KCNH5: variants seen among roughly 807,000 people sequenced by gnomAD.
KCNH5 encodes the protein potassium voltage-gated channel subfamily H member 5, also known as voltage-gated delayed rectifier potassium channel KCNH5.
In KCNH5, 46 loss-of-function variants were observed where a neutral mutation model predicts 96.1. That is an observed-to-expected ratio of 0.48 (90% confidence interval 0.38 to 0.61). KCNH5 has a LOEUF of 0.61. Ranked by LOEUF, KCNH5 falls within the 20% of genes least tolerant of loss-of-function variation. The pLI, the probability that KCNH5 is intolerant of heterozygous loss-of-function variation, is 0.00. For missense variants in KCNH5, 907 were observed against 1,225.8 expected (o/e 0.74, Z 3.88); for synonymous variants, 439 against 449.8 (o/e 0.98, Z 0.30).
intron 6 of KCNH5, among the ~76,000 whole-genome samples, chr14:62,979,003 G>T (rs1012495192): frequency 5.9e-5 from 9 of 152,084 alleles, no homozygotes; most frequent in African/African-American, 2.2e-4. Flanking sequence ...TAGATTTCTT[G>T]AATTTAGTTC....
At chr14:62,976,402 C>CAA (rs58791042) in intron 6 of KCNH5, among the ~76,000 whole-genome samples, 180 of 85,240 alleles carry the variant, frequency 2.1e-3, no homozygotes, top group African/African-American at 3.6e-3. Context: ...GACTCCATGT[C>CAA]AAAAAAAAAA....
At chr14:62,830,955 AAAGCATTGC>A (rs1229114389) in intron 8 of KCNH5, among the ~76,000 whole-genome samples, 1 of 152,122 alleles carries the variant, frequency 6.6e-6, no homozygotes, top group African/African-American at 2.4e-5. Flanking sequence ...GCTTCCAAGG[AAAGCATTGC>A]TTTTCCAAGG....
chr14:62,707,432 TATATATGTATATACTGTATATACAC>T lies in KCNH5; in HGVS notation c.*51_*75del. 1.4e-6 allele frequency: 1 copy of T among 694,756 alleles called. No homozygotes were observed. The highest frequency in any genetic ancestry group is 2.1e-6 in the Non-Finnish European group (1 of 486,854). 43.0% of individuals were successfully genotyped at this position (694,756 alleles called of 1,614,324 possible). On this transcript the variant is annotated 3_prime_UTR_variant, in exon 11 of 11. Coordinates refer to ENST00000322893, the MANE Select transcript of KCNH5 (RefSeq NM_139318.5). Reference sequence around the variant, plus strand: ...ATCATCTTGAAAGCAAGTGAAAATATATATATGTATATACTGTATATACACACATATGTATATACTGTTTTAATAT... The same window carrying T: ...ATCATCTTGAAAGCAAGTGAAAATATACATATGTATATACTGTTTTAATAT...
At chr14:62,858,356 T>C (rs534035640) in intron 7 of KCNH5, among the ~76,000 whole-genome samples, 2 of 152,308 alleles carry the variant, frequency 1.3e-5, no homozygotes, top group East Asian at 1.9e-4. Context: ...GTTGTTGTAG[T>C]TTCCCATTGA....
At chr14:62,996,063 G>T (rs1890900979) in intron 4 of KCNH5, among the ~76,000 whole-genome samples, 1 of 152,136 alleles carries the variant, frequency 6.6e-6, no homozygotes, top group Admixed American at 6.6e-5. Flanking sequence ...TGATATTATG[G>T]TGTTATCATG....
intron 7 of KCNH5, among the ~76,000 whole-genome samples, chr14:62,935,509 G>A (rs1225850366): frequency 6.6e-6 from 1 of 152,158 alleles, no homozygotes; most frequent in Non-Finnish European, 1.5e-5. Context: ...GGCAGTAAAC[G>A]AGGGAAAAGG....
At chr14:62,952,531 G>C (rs1453645113) in intron 6 of KCNH5, among the ~76,000 whole-genome samples, 1 of 152,138 alleles carries the variant, frequency 6.6e-6, no homozygotes, top group Non-Finnish European at 1.5e-5. Flanking sequence ...AACTCAAACA[G>C]AGTTCAGTTT....
At chr14:62,807,985 G>T (rs547599773) in intron 8 of KCNH5, among the ~76,000 whole-genome samples, 1 of 152,260 alleles carries the variant, frequency 6.6e-6, no homozygotes, top group African/African-American at 2.4e-5. Flanking sequence ...ATGCCCCCTA[G>T]CTATGCTGGA....
At chr14:63,034,881 T>C (rs1361112264) in intron 1 of KCNH5, among the ~76,000 whole-genome samples, 1 of 152,242 alleles carries the variant, frequency 6.6e-6, no homozygotes, top group Non-Finnish European at 1.5e-5. Flanking sequence ...TCAATGTTTC[T>C]ACTTTTAATA....
At chr14:62,914,896 C>T (rs1321946681) in intron 7 of KCNH5, among the ~76,000 whole-genome samples, 11 of 152,238 alleles carry the variant, frequency 7.2e-5, no homozygotes, top group Admixed American at 1.3e-4. Context: ...AGGCTGGAAG[C>T]GATTTCTCAA....
chr14:62,781,678 G>C (rs749747899), intron 9 of KCNH5, among the ~76,000 whole-genome samples: 14 of 152,200 alleles, frequency 9.2e-5, no homozygotes, highest in African/African-American at 3.4e-4. Context: ...GCTCTGTTCC[G>C]CCGGGCTCAC....
chr14:63,033,657 A>C (rs2139626324), intron 1 of KCNH5, among the ~76,000 whole-genome samples: 2 of 152,304 alleles, frequency 1.3e-5, no homozygotes, highest in South Asian at 4.1e-4. Context: ...GTACACTCAC[A>C]AATGTTTTAT....
intron 7 of KCNH5, among the ~76,000 whole-genome samples, chr14:62,947,622 G>A (rs968511358): frequency 6.6e-6 from 1 of 151,970 alleles, no homozygotes; most frequent in Non-Finnish European, 1.5e-5. Context: ...AACCTTTCAT[G>A]TTCCAGCAAA....
At chr14:62,980,038 T>G (rs1594656953) in intron 6 of KCNH5, among the ~76,000 whole-genome samples, 1 of 152,296 alleles carries the variant, frequency 6.6e-6, no homozygotes, top group African/African-American at 2.4e-5. Flanking sequence ...GAGGGAGATC[T>G]CATGCGATCT....
In KCNH5 at chr14:62,949,525, T is replaced by C. The variant is rs1313972321; in HGVS notation, c.1369+608A>G. On this transcript the variant is annotated intron_variant, in intron 7 of 10. Transcript: ENST00000322893. ...ATGGTCTTTGTTCCTTTAGGGGGTA[T>C]TCTACTTCCAAGAACTTGGTACCCA... Among the ~76,000 whole-genome samples the C allele has an allele frequency of 3.3e-5, 5 of 152,308 alleles. No homozygotes were observed. The East Asian group carries it at 5.8e-4, about 18-fold the overall frequency.
intron 6 of KCNH5, among the ~76,000 whole-genome samples, chr14:62,966,529 C>T (rs1483567128): frequency 1.3e-5 from 2 of 152,224 alleles, no homozygotes; most frequent in Non-Finnish European, 2.9e-5. Context: ...ACTACTCTCA[C>T]TCATTCTGGA....
chr14:62,871,989 A>ATCTCTCTCACCCTTCTCCCT (rs1382976804), intron 7 of KCNH5, among the ~76,000 whole-genome samples: 6 of 152,178 alleles, frequency 3.9e-5, no homozygotes, highest in Non-Finnish European at 8.8e-5. Flanking sequence ...TCCTGTTATC[A>ATCTCTCTCACCCTTCTCCCT]TCTCTCTCAC....
At chr14:62,928,404 G>C (rs117275517) in intron 7 of KCNH5, among the ~76,000 whole-genome samples, 1 of 152,114 alleles carries the variant, frequency 6.6e-6, no homozygotes, top group South Asian at 2.1e-4. Flanking sequence ...GACAATTAAT[G>C]AGCACCTGAA....
chr14:62,735,885 C>T (rs1885145502), intron 10 of KCNH5, among the ~76,000 whole-genome samples: 1 of 152,188 alleles, frequency 6.6e-6, no homozygotes, highest in East Asian at 1.9e-4. Flanking sequence ...CATGAAGACA[C>T]ATAGTGGGGA....
Sources: allele counts gnomAD v4.1 joint callset (sites outside exome capture counted in the v4.1 genomes callset), GRCh38; gene constraint gnomAD v4.1.1; transcripts MANE v1.5; gene names NCBI Gene and HGNC (gene_info 2026-07-23, HGNC 2026-07-21).